H2AZ2: variants seen among roughly 807,000 people sequenced by gnomAD.
The protein encoded by H2AZ2 is H2A.Z variant histone 2.
In H2AZ2, 5 loss-of-function variants were observed where a neutral mutation model predicts 15.5. The observed-to-expected ratio is 0.32, with a 90% CI of 0.17 to 0.68. H2AZ2 has a LOEUF of 0.68. Among genes scored for constraint, H2AZ2 ranks in the 30% least tolerant of loss-of-function variants. The pLI is 0.72. For missense variants in H2AZ2, 42 were observed against 162.5 expected (o/e 0.26, Z 4.03); for synonymous variants, 44 against 57.4 (o/e 0.77, Z 1.05).
chr7:44,834,138 T>C lies in H2AZ2; in HGVS notation c.*363A>G. 1 of 965,744 alleles carries C rather than the reference T, an allele frequency of 1.0e-6. No homozygotes were observed. 59.8% of individuals were successfully genotyped at this position (965,744 alleles called of 1,614,324 possible). A position where few individuals can be genotyped will look rare whatever the true frequency, so the allele number is the denominator to read the frequency against. The stretch of plus-strand genomic sequence containing the variant: ...ATATTCCCAATTTCTGTTCTAAGGT[T>C]ACTCTGAATAACCAATCTGAGATTT... On this transcript the variant is annotated 3_prime_UTR_variant, in exon 5 of 5. Transcript: ENST00000308153.
In H2AZ2 at chr7:44,834,219, T is replaced by C. The variant is rs1452143991; in HGVS notation, c.*282A>G. The C allele has an allele frequency of 2.5e-6, 3 of 1,185,828 alleles. No individual in the cohort carries two copies. The highest frequency in any genetic ancestry group is 3.1e-6 in the Non-Finnish European group (3 of 953,810). 73.5% of individuals were successfully genotyped at this position (1,185,828 alleles called of 1,614,324 possible). On this transcript the variant is annotated 3_prime_UTR_variant, in exon 5 of 5. Transcript: ENST00000308153. ...TAATACATCATGAACAGAACAGTTT[T>C]GAGACAAATTAATTTTGTAAAAAAT...
downstream of H2AZ2, among the ~76,000 whole-genome samples, chr7:44,831,540 GCTT>G (rs771435617): frequency 1.2e-4 from 17 of 147,546 alleles, no homozygotes; most frequent in South Asian, 3.2e-3. Context: ...TCCCCCCCCC[GCTT>G]CTTTTTTTTC....
chr7:44,842,399 T>C (rs1793294588), intron 2 of H2AZ2, among the ~76,000 whole-genome samples: 1 of 152,224 alleles, frequency 6.6e-6, no homozygotes, highest in South Asian at 2.1e-4. Context: ...GTTTCCAACT[T>C]CTGGACATTT....
At chr7:44,843,406 C>A in intron 1 of H2AZ2, 52 bp from the exon 2 acceptor site, 1 of 1,217,630 alleles carries the variant, frequency 8.2e-7, no homozygotes, top group Admixed American at 1.9e-5. Flanking sequence ...AATACTACTT[C>A]AAAAATATTC....
intron 1 of H2AZ2, among the ~76,000 whole-genome samples, chr7:44,847,260 A>G (rs1376159875): frequency 1.3e-5 from 2 of 152,088 alleles, no homozygotes; most frequent in East Asian, 3.9e-4. Context: ...AGTTCTATTC[A>G]CTTTCATTTT....
At chr7:44,836,150 A>C (rs1298683628) in intron 3 of H2AZ2, among the ~76,000 whole-genome samples, 1 of 151,844 alleles carries the variant, frequency 6.6e-6, no homozygotes, top group Non-Finnish European at 1.5e-5. Context: ...TTTTGTAGAC[A>C]CAAGGTTTCC....
At chr7:44,846,062 C>CACACACACACAGAGAGAGAGAGAG (rs57468916) in intron 1 of H2AZ2, among the ~76,000 whole-genome samples, 4 of 75,060 alleles carry the variant, frequency 5.3e-5, no homozygotes, top group Non-Finnish European at 1.3e-4. Context: ...CACACACACA[C>CACACACACACAGAGAGAGAGAGAG]AGAGAGAGAC....
At chr7:44,846,062 C>CACACACACACACACACACAG (rs57468916) in intron 1 of H2AZ2, among the ~76,000 whole-genome samples, 20 of 75,146 alleles carry the variant, frequency 2.7e-4, no homozygotes, top group African/African-American at 7.8e-4. Flanking sequence ...CACACACACA[C>CACACACACACACACACACAG]AGAGAGAGAC....
Position 44,833,186 on chromosome 7 carries a change from C to A in H2AZ2, c.*1315G>T, listed in dbSNP as rs1793032611. Among the ~76,000 whole-genome samples, 1 of 151,814 alleles carries A rather than the reference C, an allele frequency of 6.6e-6. No individual in the cohort carries two copies. ...GCCCCAGTGCCCCAAGTAGTTGGGA[C>A]AACATGTGTGTACCATGCCTGGCTA... On this transcript the variant is annotated 3_prime_UTR_variant, in exon 5 of 5. Coordinates refer to ENST00000308153, the MANE Select transcript of H2AZ2 (RefSeq NM_012412.5).
At chr7:44,836,357 G>T (rs1193892783) in intron 3 of H2AZ2, among the ~76,000 whole-genome samples, 2 of 152,034 alleles carry the variant, frequency 1.3e-5, no homozygotes, top group Non-Finnish European at 2.9e-5. Context: ...GTTTTCAAAT[G>T]TATTTTTAAA....
rs896517495 is a variant in H2AZ2 at position 44,832,641 on chromosome 7, C to T, written c.*1860G>A. On this transcript the variant is annotated 3_prime_UTR_variant, in exon 5 of 5. Transcript: ENST00000308153. ...TTTTCTAAGGGTCAATTAACTAGTA[C>T]ATTAACTCAAGTAACAGTTACTTAG... Among the ~76,000 whole-genome samples, 1 of 152,142 alleles carries T rather than the reference C, an allele frequency of 6.6e-6. No homozygotes were observed. Among genetic ancestry groups the T allele is most frequent in the Non-Finnish European group, 1.5e-5 (1 of 68,030 alleles).
chr7:44,846,238 G>A (rs1793402714), intron 1 of H2AZ2, among the ~76,000 whole-genome samples: 1 of 152,114 alleles, frequency 6.6e-6, no homozygotes, highest in Non-Finnish European at 1.5e-5. Context: ...TGCATTTTTA[G>A]CTTATGTTAA....
chr7:44,842,879 G>A (rs1160124936), intron 2 of H2AZ2, among the ~76,000 whole-genome samples: 1 of 152,078 alleles, frequency 6.6e-6, no homozygotes, highest in East Asian at 1.9e-4. Context: ...GGTGGCTCAT[G>A]CCTGTAATTC....
intron 1 of H2AZ2, among the ~76,000 whole-genome samples, chr7:44,847,578 A>G (rs766186820): frequency 4.6e-5 from 7 of 152,194 alleles, no homozygotes; most frequent in Non-Finnish European, 8.8e-5. Context: ...CCAAAGACTT[A>G]TCTAACTTGT....
intron 3 of H2AZ2, among the ~76,000 whole-genome samples, chr7:44,837,586 G>C (rs1215867461): frequency 6.6e-6 from 1 of 151,164 alleles, no homozygotes; most frequent in Non-Finnish European, 1.5e-5. Flanking sequence ...CAACCTCCTG[G>C]GTCAGGTAAT....
downstream of H2AZ2, chr7:44,830,135 T>C: frequency 1.2e-6 from 2 of 1,613,698 alleles, no homozygotes; most frequent in Non-Finnish European, 1.7e-6. Flanking sequence ...TACAATGGCA[T>C]CTTCTGATCT....
chr7:44,836,309 C>G (rs980312679), intron 3 of H2AZ2, among the ~76,000 whole-genome samples: 2 of 151,772 alleles, frequency 1.3e-5, no homozygotes, highest in East Asian at 3.8e-4. Context: ...TTTGTACAAC[C>G]CTTAATAGCT....
intron 1 of H2AZ2, among the ~76,000 whole-genome samples, chr7:44,847,558 C>G (rs2117051219): frequency 6.6e-6 from 1 of 152,298 alleles, no homozygotes; most frequent in Middle Eastern, 3.4e-3. Flanking sequence ...GATTACGTAA[C>G]CAAACATCGC....
At chr7:44,834,685 T>C in intron 4 of H2AZ2, 123 bp from the exon 5 acceptor site, 1 of 835,856 alleles carries the variant, frequency 1.2e-6, no homozygotes, top group Non-Finnish European at 1.8e-6. Flanking sequence ...TGTTAAACTA[T>C]CTATACCAAT....
Sources: gnomAD v4.1 joint callset for allele counts (sites outside exome capture counted in the v4.1 genomes callset) on GRCh38, gnomAD v4.1.1 for gene constraint, MANE v1.5 for transcripts, NCBI Gene and HGNC (gene_info 2026-07-23, HGNC 2026-07-21) for gene names.